TMEM30A: variants seen among roughly 807,000 people sequenced by gnomAD.
TMEM30A encodes the protein cell division cycle 50 P4-ATPase accessory subunit A, also known as cell cycle control protein 50A.
Under a neutral mutation model 38.2 loss-of-function variants are expected in TMEM30A, and 24 were observed. That is an observed-to-expected ratio of 0.63 (90% CI 0.46 to 0.88). The LOEUF (loss-of-function observed/expected upper bound fraction) is 0.88, where lower values mean the gene tolerates loss of function less well. TMEM30A is among the 40% of genes least tolerant of loss of function. TMEM30A has a pLI of 0.00. For synonymous variants in TMEM30A, 145 were observed against 161.6 expected, an observed-to-expected ratio of 0.90 and a Z score of 0.78; for missense variants, 370 against 458.6, an observed-to-expected ratio of 0.81 and a Z score of 1.77.
chr6:75,268,540 T>A (rs1772105571), intron 1 of TMEM30A, among the ~76,000 whole-genome samples: 1 of 152,186 alleles, frequency 6.6e-6, no homozygotes, highest in South Asian at 2.1e-4. Flanking sequence ...GTGAATCCAC[T>A]AATGTGCTGG....
At chr6:75,266,638 G>A (rs147877023) in intron 2 of TMEM30A, among the ~76,000 whole-genome samples, 31 of 152,222 alleles carry the variant, frequency 2.0e-4, no homozygotes, top group African/African-American at 7.2e-4. Flanking sequence ...TTTTTGAATG[G>A]GAGAGAAAAT....
chr6:75,274,506 G>C (rs1265595282), intron 1 of TMEM30A, among the ~76,000 whole-genome samples: 1 of 152,186 alleles, frequency 6.6e-6, no homozygotes, highest in Non-Finnish European at 1.5e-5. Context: ...AATAATCCAG[G>C]TGAAAAATGT....
Position 75,270,214 on chromosome 6 carries a change from G to A in TMEM30A, c.238-2466C>T, listed in dbSNP as rs531344630. ...CCACATCCTCCCTTAGCATTTGGTG[G>A]TGTCAGTTTTGGATTTTCACCATCC... is the stretch of plus-strand genomic sequence containing the variant. On this transcript the variant is annotated intron_variant, in intron 1 of 6. Transcript: ENST00000230461. Among the ~76,000 whole-genome samples the A allele has an allele frequency of 4.6e-5, 7 of 152,272 alleles. No individual in the cohort carries two copies. The South Asian group carries it at 1.5e-3, about 32-fold the overall frequency.
rs1156717497 is a variant in TMEM30A at position 75,253,795 on chromosome 6, C to T, written c.*2307G>A. The T allele has an allele frequency of 9.2e-5, 14 of 152,524 alleles. No homozygotes were observed. Among genetic ancestry groups the T allele is most frequent in the Admixed American group, 9.2e-4 (14 of 15,262 alleles). The allele number at this position is 152,524 out of a possible 1,614,324, so 9.4% of individuals were successfully genotyped here. A position where few individuals can be genotyped will look rare whatever the true frequency, so the allele number is the denominator to read the frequency against. ...CTATTTTTATCAATTTATGCTTAAA[C>T]TGCCTTATGATTTCAATGAAATTTC... On this transcript the variant is annotated 3_prime_UTR_variant, in exon 7 of 7. Coordinates refer to ENST00000230461, the MANE Select transcript of TMEM30A (RefSeq NM_018247.4).
chr6:75,266,655 A>G (rs527815405), intron 2 of TMEM30A, among the ~76,000 whole-genome samples: 1 of 152,292 alleles, frequency 6.6e-6, no homozygotes, highest in South Asian at 2.1e-4. Flanking sequence ...AAATTAATAG[A>G]GCTTCTATAT....
intron 2 of TMEM30A, among the ~76,000 whole-genome samples, chr6:75,267,411 A>C (rs1481337638): frequency 6.6e-6 from 1 of 152,224 alleles, no homozygotes; most frequent in African/African-American, 2.4e-5. Context: ...ACAATATCTT[A>C]AATTTTGTCT....
intron 1 of TMEM30A, 75 bp from the exon 2 acceptor site, chr6:75,267,823 T>C (rs1164962236): frequency 1.0e-6 from 1 of 984,718 alleles, no homozygotes; most frequent in Admixed American, 2.6e-5. Context: ...CGACTTGCTA[T>C]TAAAAGGAAA....
At chr6:75,256,739 G>T in intron 6 of TMEM30A, 1 of 483,632 alleles carries the variant, frequency 2.1e-6, no homozygotes, top group Non-Finnish European at 4.1e-6. Flanking sequence ...GTAGTTATGA[G>T]ACTATGAAAA....
intron 4 of TMEM30A, 31 bp from the exon 5 acceptor site, chr6:75,259,521 C>G (rs1351909778): frequency 1.9e-6 from 3 of 1,557,174 alleles, no homozygotes; most frequent in African/African-American, 2.8e-5. Flanking sequence ...ACATTACTAA[C>G]TATCTCTTGA....
rs1296134149 is a variant in TMEM30A, at chr6:75,267,636, C to T, written c.345+5G>A. The T allele has an allele frequency of 1.3e-6, 2 of 1,596,836 alleles. No homozygotes were observed. The highest frequency in any genetic ancestry group is 2.7e-5 in the African/African-American group (2 of 74,422). The stretch of plus-strand genomic sequence containing the variant: ...TTTTCTAGCACATTACTTGGAAACA[C>T]AGACCTCAAATGACTTTTCCAGTGT... On this transcript the variant is annotated splice_donor_5th_base_variant and intron_variant, in intron 2 of 6. Transcript: ENST00000230461.
chr6:75,271,516 A>C (rs1215494885), intron 1 of TMEM30A, among the ~76,000 whole-genome samples: 1 of 152,206 alleles, frequency 6.6e-6, no homozygotes, highest in Non-Finnish European at 1.5e-5. Context: ...TAATATATTA[A>C]GCCTATGTGT....
rs1468133608 is a variant in TMEM30A at position 75,284,681 on chromosome 6, C to T, written c.-43G>A. ...CTCCGCGATTTGCAGGTGGACCACC[C>T]AGGGGGCCCGCCGGCTGACCCTGAC... On this transcript the variant is annotated 5_prime_UTR_variant, in exon 1 of 7. Transcript: ENST00000230461. The T allele has an allele frequency of 1.3e-6, 2 of 1,598,004 alleles. No homozygotes were observed. Among genetic ancestry groups the T allele is most frequent in the African/African-American group, 2.7e-5 (2 of 74,712 alleles).
chr6:75,271,826 A>C (rs1772177051), intron 1 of TMEM30A, among the ~76,000 whole-genome samples: 2 of 152,180 alleles, frequency 1.3e-5, no homozygotes, highest in African/African-American at 4.8e-5. Flanking sequence ...TTTATCAAAG[A>C]TAACATATAA....
chr6:75,259,039 A>T, intron 5 of TMEM30A, 53 bp from the exon 6 acceptor site: 1 of 1,464,348 alleles, frequency 6.8e-7, no homozygotes, highest in African/African-American at 1.4e-5. Flanking sequence ...TTGTGAAATT[A>T]AAGTGGCGGA....
At position 75,254,815 on chromosome 6, in the gene TMEM30A, T is replaced by C. The variant is rs1183281139; in HGVS notation, c.*1287A>G. On this transcript the variant is annotated 3_prime_UTR_variant, in exon 7 of 7. Coordinates refer to ENST00000230461, the MANE Select transcript of TMEM30A (RefSeq NM_018247.4). Reference sequence around the variant, plus strand: ...TTTCATGCATGTGGAAAAATTATTTTTAACTAGAACTTTAAGAATAAGTTC... The same window carrying C: ...TTTCATGCATGTGGAAAAATTATTTCTAACTAGAACTTTAAGAATAAGTTC... 2 of 152,560 alleles carry C rather than the reference T, an allele frequency of 1.3e-5. No homozygotes were observed. Among genetic ancestry groups the C allele is most frequent in the East Asian group, 3.8e-4 (2 of 5,198 alleles). 9.5% of individuals were successfully genotyped at this position (152,560 alleles called of 1,614,324 possible).
chr6:75,283,315 G>A, intron 1 of TMEM30A, among the ~76,000 whole-genome samples: 1 of 151,250 alleles, frequency 6.6e-6, no homozygotes, highest in Non-Finnish European at 1.5e-5. Context: ...AAATGTGTGT[G>A]TGTGTGTGTG....
chr6:75,259,871 C>T (rs1439937668), intron 4 of TMEM30A, among the ~76,000 whole-genome samples: 1 of 152,178 alleles, frequency 6.6e-6, no homozygotes, highest in African/African-American at 2.4e-5. Context: ...AGCCACTAGG[C>T]ACACAGGGCT....
At chr6:75,273,557 G>T (rs2149522969) in intron 1 of TMEM30A, among the ~76,000 whole-genome samples, 1 of 151,996 alleles carries the variant, frequency 6.6e-6, no homozygotes, top group Admixed American at 6.5e-5. Context: ...CTCCATGAAA[G>T]CTGCCGAGTA....
At chr6:75,273,641 T>C (rs240402) in intron 1 of TMEM30A, among the ~76,000 whole-genome samples, 144,382 of 152,222 alleles carry the variant, frequency 0.95, 68,489 homozygotes, top group East Asian at 0.98. Context: ...GATATAGTTT[T>C]GATATTTGTC....
Sources: gnomAD v4.1 joint callset for allele counts (sites outside exome capture counted in the v4.1 genomes callset) on GRCh38, gnomAD v4.1.1 for gene constraint, MANE v1.5 for transcripts, NCBI Gene and HGNC (gene_info 2026-07-23, HGNC 2026-07-21) for gene names.